The following ATP2C1 variants were observed in gnomAD, a reference collection of about 807,000 sequenced individuals.
ATP2C1 encodes calcium-transporting ATPase type 2C member 1.
In ATP2C1, 31 loss-of-function variants were observed where a neutral mutation model predicts 120.5. The observed-to-expected ratio is 0.26, with a 90% CI of 0.19 to 0.35. The LOEUF is 0.35. Ranked by LOEUF, ATP2C1 falls within the 10% of genes least tolerant of loss-of-function variation. The pLI is 1.00. For missense variants in ATP2C1, 731 were observed against 1,107.5 expected (o/e 0.66, Z 4.83); for synonymous variants, 351 against 358.7 (o/e 0.98, Z 0.24).
At chr3:130,985,246 G>T (rs1414128277) in intron 20 of ATP2C1, among the ~76,000 whole-genome samples, 1 of 152,156 alleles carries the variant, frequency 6.6e-6, no homozygotes, top group Non-Finnish European at 1.5e-5. Context: ...TACGCTTCCA[G>T]TGTTGGAAAT....
At chr3:130,967,124 A>G (rs755710659) in intron 14 of ATP2C1, 21 bp from the exon 15 acceptor site, 1 of 1,580,438 alleles carries the variant, frequency 6.3e-7, no homozygotes, top group African/African-American at 1.3e-5. Flanking sequence ...TGTATTATTG[A>G]TCCCACTTTG....
intron 17 of ATP2C1, 56 bp from the exon 18 acceptor site, chr3:130,975,276 A>T (rs550658746): frequency 6.4e-7 from 1 of 1,568,000 alleles, no homozygotes; most frequent in East Asian, 2.2e-5. Context: ...TTGGACTCCA[A>T]TGGCAGGTAA....
chr3:131,016,009 T>G (rs2063609991), intron 26 of ATP2C1: 1 of 1,125,158 alleles, frequency 8.9e-7, no homozygotes, highest in Non-Finnish European at 1.3e-6. Flanking sequence ...TGACTCAAAA[T>G]CAATTACATT....
At chr3:130,938,962 C>G (rs2059785505) in intron 6 of ATP2C1, among the ~76,000 whole-genome samples, 1 of 152,196 alleles carries the variant, frequency 6.6e-6, no homozygotes, top group Admixed American at 6.5e-5. Context: ...TTGTTATACA[C>G]ATTAAATGCT....
intron 1 of ATP2C1, among the ~76,000 whole-genome samples, chr3:130,854,535 C>A (rs2067775217): frequency 6.6e-6 from 1 of 152,200 alleles, no homozygotes. Flanking sequence ...GTACTAGAGA[C>A]TCAGCAGCCT....
Position 130,985,864 on chromosome 3 carries a change from CG to C in ATP2C1, c.1839+5186del, listed in dbSNP as rs140893081. ...TTTTCTTTAAGAACATGGCTGTCAG[CG>C]TATGTTCATATTCATTTTCTATGTG... On this transcript the variant is annotated intron_variant, in intron 20 of 27. Transcript: ENST00000510168. Among the ~76,000 whole-genome samples the C allele has an allele frequency of 0.012, 1,785 of 151,946 alleles. 144 individuals are homozygous for C. In the East Asian group the frequency reaches 0.22, roughly 18 times the overall value.
At chr3:130,915,821 T>G (rs1329526092) in intron 2 of ATP2C1, among the ~76,000 whole-genome samples, 4 of 152,212 alleles carry the variant, frequency 2.6e-5, no homozygotes, top group Non-Finnish European at 5.9e-5. Flanking sequence ...GGTAGACCTC[T>G]TCTACATATG....
rs535665200 is a variant in ATP2C1, at chr3:130,894,168, C to A, written c.-350C>A. 107 of 858,000 alleles carry A rather than the reference C, an allele frequency of 1.2e-4. No individual in the cohort carries two copies. Among genetic ancestry groups the A allele is most frequent in the Non-Finnish European group, 1.4e-4 (101 of 714,022 alleles). 53.1% of individuals were successfully genotyped at this position (858,000 alleles called of 1,614,324 possible). ...CTTCTCTCCCCTCCCCGCCCGCCCT[C>A]TCTCCCTCCCTTCCTCCCTCCCGCT... On this transcript the variant is annotated 5_prime_UTR_variant, in exon 1 of 28. Transcript: ENST00000510168. The surrounding 1 kb of genome is among the most constrained non-coding windows in gnomAD (Gnocchi z 4.5).
Position 130,922,441 on chromosome 3 carries a change from T to A in ATP2C1, c.7-7975T>A, listed in dbSNP as rs369428085. Among the ~76,000 whole-genome samples, 5 of 152,298 alleles carry A rather than the reference T, an allele frequency of 3.3e-5. No homozygotes were observed. In the East Asian group the frequency reaches 5.8e-4, roughly 18 times the overall value. ...TTTGTTTCATTTATTTTTTGTAATT[T>A]TTTGTTTCAATTTCATTTAGTTCTG... On this transcript the variant is annotated intron_variant, in intron 2 of 27. Transcript: ENST00000510168.
chr3:130,899,442 A>G (rs918988877), intron 2 of ATP2C1: 2 of 152,182 alleles, frequency 1.3e-5, no homozygotes, highest in African/African-American at 2.4e-5. Context: ...TTTATAATTC[A>G]TTAAGCAGAA....
intron 1 of ATP2C1, among the ~76,000 whole-genome samples, chr3:130,882,031 G>C (rs2068799923): frequency 1.3e-5 from 2 of 151,956 alleles, no homozygotes; most frequent in African/African-American, 4.8e-5. Context: ...TTACAATTTA[G>C]ATGTTAAAGA....
intron 2 of ATP2C1, among the ~76,000 whole-genome samples, chr3:130,914,168 T>A (rs993445630): frequency 7.3e-5 from 11 of 151,550 alleles, no homozygotes; most frequent in African/African-American, 2.7e-4. Context: ...ACTTTTTTTT[T>A]AACTCAAAGC....
At chr3:130,994,773 A>C (rs2062525938) in intron 22 of ATP2C1, among the ~76,000 whole-genome samples, 1 of 152,090 alleles carries the variant, frequency 6.6e-6, no homozygotes. Flanking sequence ...AACATTTGGG[A>C]GCTTAGGACT....
intron 20 of ATP2C1, among the ~76,000 whole-genome samples, chr3:130,988,616 G>C (rs1195491636): frequency 6.6e-6 from 1 of 152,140 alleles, no homozygotes; most frequent in African/African-American, 2.4e-5. Flanking sequence ...GCAAGAAGCA[G>C]CTACAGAAAA....
intron 7 of ATP2C1, among the ~76,000 whole-genome samples, chr3:130,941,160 C>T (rs984717319): frequency 1.6e-4 from 24 of 151,900 alleles, no homozygotes; most frequent in Non-Finnish European, 2.8e-4. Flanking sequence ...GTGATCTGCC[C>T]ACCTCGGCCT....
At position 130,964,005 on chromosome 3, in the gene ATP2C1, A is replaced by G. The variant is rs772953765; in HGVS notation, c.934A>G (p.Ile312Val). The G allele has an allele frequency of 2.5e-6, 4 of 1,612,720 alleles. No homozygotes were observed. The highest frequency in any genetic ancestry group is 2.5e-6 in the Non-Finnish European group (3 of 1,179,022). ...AVAAIPEGLP[I>V]VVTVTLALGV... is the part of the protein sequence containing the mutation. ...AGCAGCAATTCCTGAAGGTCTCCCC[A>G]TTGTGGTCACAGTGACGCTAGCTCT... is the stretch of plus-strand genomic sequence containing the variant. The change falls in exon 13 of 28, where the codon ATT (isoleucine) becomes GTT (valine). Residue 312 changes from isoleucine to valine, a missense_variant. Ile to Val is a conservative substitution (Grantham distance 29). Around this residue, in one of 3 missense-constraint regions of ATP2C1, gnomAD observed 571 missense variants for 845.9 expected, o/e 0.67. Coordinates refer to ENST00000510168, the MANE Select transcript of ATP2C1 (RefSeq NM_001378687.1).
intron 2 of ATP2C1, among the ~76,000 whole-genome samples, chr3:130,900,887 C>A (rs1361220781): frequency 2.0e-5 from 3 of 152,106 alleles, no homozygotes; most frequent in Non-Finnish European, 1.5e-5. Context: ...TTATATCTCT[C>A]TTTGTATGCA....
Position 130,975,376 on chromosome 3 carries a change from A to T in ATP2C1, c.1458A>T (p.Val486=). 2 of 1,613,876 alleles carry T rather than the reference A, an allele frequency of 1.2e-6. No homozygotes were observed. The highest frequency in any genetic ancestry group is 1.7e-6 in the Non-Finnish European group (2 of 1,179,800). The change falls in exon 18 of 28, where the codon GTA becomes GTT. Residue 486 remains valine (V), a synonymous_variant. Transcript: ENST00000510168. ...TTATGAAAGGTGCTTACGAACAAGT[A>T]ATTAAGTACTGTACTACATACCAGA... The part of the protein sequence containing the change: ...ICFMKGAYEQ[V]IKYCTTYQSK...
At chr3:130,942,626 G>T (rs1216414685) in intron 8 of ATP2C1, among the ~76,000 whole-genome samples, 1 of 152,132 alleles carries the variant, frequency 6.6e-6, no homozygotes, top group Non-Finnish European at 1.5e-5. Context: ...TTCAGCAGAG[G>T]CCTTTTTTCC....
Sources: allele counts gnomAD v4.1 joint callset (sites outside exome capture counted in the v4.1 genomes callset), GRCh38; gene constraint gnomAD v4.1.1; regional missense constraint gnomAD v4.1.1; non-coding constraint Gnocchi (gnomAD v3.1); transcripts MANE v1.5; gene names NCBI Gene and HGNC (gene_info 2026-07-23, HGNC 2026-07-21).